The following CAPN8 variants were observed in gnomAD, a reference collection of about 807,000 sequenced individuals.
CAPN8 encodes calpain-8.
A neutral mutation model predicts 80.9 loss-of-function variants in CAPN8; 87 were observed. The observed-to-expected ratio is 1.07, with a 90% CI of 0.90 to 1.28. CAPN8 has a LOEUF of 1.28. Among genes scored for constraint, CAPN8 ranks in the 50% most tolerant of loss-of-function variants. The pLI is 0.00. For synonymous variants in CAPN8, 299 were observed against 273.8 expected (o/e 1.09, Z -0.91); for missense variants, 757 against 702.0 (o/e 1.08, Z -0.89).
chr1:223,627,225 G>C lies in CAPN8; in HGVS notation c.561-68C>G, dbSNP rs74145942. On this transcript the variant is annotated intron_variant, in intron 4 of 20. Coordinates refer to ENST00000366872, the MANE Select transcript of CAPN8 (RefSeq NM_001143962.2). ...CAAGGAGACCCGGGGATTGGGGACC[G>C]GGACAGTGCTAGGACATACTGTGGC... is the stretch of plus-strand genomic sequence containing the variant. The C allele has an allele frequency of 2.0e-6, 3 of 1,498,544 alleles. No homozygotes were observed. In the Admixed American group the frequency reaches 6.0e-5, roughly 30 times the overall value. 92.8% of individuals were successfully genotyped at this position (1,498,544 alleles called of 1,614,324 possible).
chr1:223,637,486 G>A (rs1437084379), intron 2 of CAPN8, among the ~76,000 whole-genome samples: 1 of 152,156 alleles, frequency 6.6e-6, no homozygotes, highest in Admixed American at 6.5e-5. Flanking sequence ...CTGACCAGGT[G>A]GCACATGGGA....
intron 9 of CAPN8, 121 bp downstream of exon 9, chr1:223,619,172 G>T: frequency 1.7e-6 from 2 of 1,190,182 alleles, no homozygotes; most frequent in South Asian, 1.6e-5. Flanking sequence ...CCAACCTGGG[G>T]AACAGAGCAA....
intron 2 of CAPN8, among the ~76,000 whole-genome samples, chr1:223,632,562 G>A (rs1457244538): frequency 6.6e-6 from 1 of 151,902 alleles, no homozygotes. Flanking sequence ...CAGAGCTGGG[G>A]TCTCACTATG....
intron 1 of CAPN8, among the ~76,000 whole-genome samples, chr1:223,663,092 C>T (rs1217872105): frequency 2.0e-5 from 3 of 152,186 alleles, no homozygotes; most frequent in Non-Finnish European, 4.4e-5. Context: ...TTGCACCTTC[C>T]GCATTACTCA....
chr1:223,622,587 T>G, intron 7 of CAPN8: 1 of 549,976 alleles, frequency 1.8e-6, no homozygotes, highest in Non-Finnish European at 3.2e-6. Flanking sequence ...CCGCCAAACT[T>G]TCAAATGCCA....
intron 10 of CAPN8, among the ~76,000 whole-genome samples, chr1:223,612,473 TGGG>T (rs1657054265): frequency 6.6e-6 from 1 of 151,968 alleles, no homozygotes; most frequent in East Asian, 1.9e-4. Context: ...AGAAATCTGG[TGGG>T]GGACCACCAG....
chr1:223,654,071 T>C (rs969453195), intron 2 of CAPN8, among the ~76,000 whole-genome samples: 3 of 152,218 alleles, frequency 2.0e-5, no homozygotes, highest in African/African-American at 7.2e-5. Context: ...CTCCTTGCTC[T>C]AGCATTAAAG....
At chr1:223,647,846 G>A (rs970512097) in intron 2 of CAPN8, among the ~76,000 whole-genome samples, 7 of 152,134 alleles carry the variant, frequency 4.6e-5, no homozygotes, top group African/African-American at 1.7e-4. Context: ...TTGGAGAGGG[G>A]CCTGATAGAC....
chr1:223,541,897 C>G, intron 20 of CAPN8, 38 bp from the exon 21 acceptor site: 1 of 1,551,292 alleles, frequency 6.4e-7, no homozygotes, highest in Non-Finnish European at 8.7e-7. Context: ...CTTGGCTTCT[C>G]AGGGGCTGGT....
intron 6 of CAPN8, 41 bp from the exon 7 acceptor site, chr1:223,622,941 C>G (rs185369702): frequency 1.3e-6 from 2 of 1,482,184 alleles, no homozygotes; most frequent in Admixed American, 2.0e-5. Context: ...AATTACTATG[C>G]TCCTGTTGCC....
intron 14 of CAPN8, among the ~76,000 whole-genome samples, chr1:223,553,089 G>T (rs1197517341): frequency 2.1e-4 from 27 of 131,406 alleles, no homozygotes; most frequent in African/African-American, 8.2e-4. Flanking sequence ...CGGGGTGGTG[G>T]GGGGAGACCA....
chr1:223,644,146 CCTTT>C lies in CAPN8; in HGVS notation c.307+10180_307+10183del, dbSNP rs150157418. ...ACTATGTACCCGAGTAATATTATCT[CCTTT>C]TAGCATGATCCAACCCAGTTGTTTT... On this transcript the variant is annotated intron_variant, in intron 2 of 20. Coordinates refer to ENST00000366872, the MANE Select transcript of CAPN8 (RefSeq NM_001143962.2). 655 of 353,832 alleles carry C rather than the reference CCTTT, an allele frequency of 1.9e-3. 6 individuals carry two copies. The highest frequency in any genetic ancestry group is 0.013 in the African/African-American group (619 of 46,304). The allele number at this position is 353,832 out of a possible 1,614,324, so 21.9% of individuals were successfully genotyped here. A position where few individuals can be genotyped will look rare whatever the true frequency, so the allele number is the denominator to read the frequency against.
chr1:223,665,277 G>A, intron 1 of CAPN8, 133 bp downstream of exon 1: 2 of 686,296 alleles, frequency 2.9e-6, no homozygotes, highest in Non-Finnish European at 4.9e-6. Flanking sequence ...AAAAAAGGTG[G>A]TGGTGGAGGG....
At chr1:223,644,132 G>A (rs770576892) in intron 2 of CAPN8, 8 of 334,860 alleles carry the variant, frequency 2.4e-5, no homozygotes, top group African/African-American at 1.1e-4. Context: ...CTATGTACCC[G>A]AGTAATATTA....
chr1:223,609,338 C>T lies in CAPN8; in HGVS notation c.1350G>A (p.Leu450=). 1 of 398,506 alleles carries T rather than the reference C, an allele frequency of 2.5e-6. No homozygotes were observed. The highest frequency in any genetic ancestry group is 3.6e-5 in the East Asian group (1 of 28,052). 24.7% of individuals were successfully genotyped at this position (398,506 alleles called of 1,614,324 possible). Residue 450 remains leucine (L), a synonymous_variant, in exon 12 of 21, where the codon TTG becomes TTA. Coordinates refer to ENST00000366872, the MANE Select transcript of CAPN8 (RefSeq NM_001143962.2). ...GGTAGGCCAGGAAGAAATCCCGGCC[C>T]AAGTGTGCGTCCGTGTGACTCTCCA... ...KELESHTDAH[L]GRDFFLAYQP... is the part of the protein sequence containing the mutation.
At chr1:223,652,266 C>T (rs1394040615) in intron 2 of CAPN8, among the ~76,000 whole-genome samples, 1 of 151,970 alleles carries the variant, frequency 6.6e-6, no homozygotes, top group Non-Finnish European at 1.5e-5. Flanking sequence ...CACTTGAGCC[C>T]AGGAGAAGGA....
intron 1 of CAPN8, among the ~76,000 whole-genome samples, chr1:223,659,555 G>T (rs188525783): frequency 2.4e-4 from 36 of 152,122 alleles, no homozygotes; most frequent in Non-Finnish European, 4.9e-4. Context: ...TCTCTATCCC[G>T]ATTCTCTTCC....
Position 223,609,973 on chromosome 1 carries a change from C to T in CAPN8, c.1324-609G>A, listed in dbSNP as rs1470584996. 2.0e-5 allele frequency among the ~76,000 whole-genome samples: 3 copies of T among 152,350 alleles called. No homozygotes were observed. In the South Asian group the frequency reaches 6.2e-4, roughly 32 times the overall value. ...TCCCCAGGGCCTCGACTCTCCTCAA[C>T]AGGCGACGATGCTCTCCAAGACCCA... On this transcript the variant is annotated intron_variant, in intron 11 of 20. Coordinates refer to ENST00000366872, the MANE Select transcript of CAPN8 (RefSeq NM_001143962.2).
At chr1:223,657,986 G>A (rs978207280) in intron 1 of CAPN8, among the ~76,000 whole-genome samples, 1 of 151,934 alleles carries the variant, frequency 6.6e-6, no homozygotes, top group African/African-American at 2.4e-5. Context: ...TTGCCTCTCT[G>A]AGCATTTCTC....
Sources: allele counts gnomAD v4.1 joint callset (sites outside exome capture counted in the v4.1 genomes callset), GRCh38; gene constraint gnomAD v4.1.1; transcripts MANE v1.5; gene names NCBI Gene and HGNC (gene_info 2026-07-23, HGNC 2026-07-21).